Variants in AMZ1 observed in about 807,000 individuals in gnomAD.
AMZ1 encodes the protein archaelysin family metallopeptidase 1, also known as archaemetzincin-1.
AMZ1 carries 39 observed loss-of-function variants against 29.9 expected under a neutral mutation model. The observed-to-expected ratio is 1.30, with a 90% confidence interval of 1.01 to 1.70. The LOEUF (loss-of-function observed/expected upper bound fraction) is 1.70, where lower values mean the gene tolerates loss of function less well. Among genes scored for constraint, AMZ1 ranks in the 40% most tolerant of loss-of-function variants. The pLI is 0.00. For missense variants in AMZ1, 1,041 were observed against 680.6 expected, an observed-to-expected ratio of 1.53 and a Z score of -5.89; for synonymous variants, 458 against 304.0, an observed-to-expected ratio of 1.51 and a Z score of -5.27.
At chr7:2,703,017 A>G in intron 3 of AMZ1, 128 bp downstream of exon 3, 1 of 1,329,574 alleles carries the variant, frequency 7.5e-7, no homozygotes, top group Non-Finnish European at 1.0e-6. Flanking sequence ...TCCATTTCCC[A>G]GGTGTTTGGG....
At chr7:2,685,250 T>C (rs1194620812), upstream of AMZ1, among the ~76,000 whole-genome samples, 1 of 151,722 alleles carries the variant, frequency 6.6e-6, no homozygotes, top group Non-Finnish European at 1.5e-5. Context: ...TTCTTTGTAA[T>C]AAGCAGCTTT....
rs772788685 is a variant in AMZ1 at position 2,709,237 on chromosome 7, G to A, written c.764G>A (p.Cys255Tyr). The A allele has an allele frequency of 1.6e-5, 24 of 1,498,686 alleles. No homozygotes were observed. Among genetic ancestry groups the A allele is most frequent in the Non-Finnish European group, 2.0e-5 (23 of 1,126,838 alleles). The allele number at this position is 1,498,686 out of a possible 1,614,324, so 92.8% of individuals were successfully genotyped here. A position where few individuals can be genotyped will look rare whatever the true frequency, so the allele number is the denominator to read the frequency against. ...TTCAGTGCCCTGGGGATGGTTCAGT[G>A]CTGCAAGGTGGGTGGGGGCTCTGGG... The part of the protein sequence containing the change: ...LCFSALGMVQ[C>Y]CKVTCHELCH... Residue 255 changes from cysteine (C) to tyrosine (Y), a missense_variant, in exon 5 of 7, where the codon TGC becomes TAC. Cys to Tyr is a radical substitution (Grantham distance 194, BLOSUM62 -2). Coordinates refer to ENST00000683327, the MANE Select transcript of AMZ1 (RefSeq NM_001384743.1).
rs376474219 is a variant in AMZ1, at chr7:2,682,605, G to A, written c.-219+2934G>A. Among the ~76,000 whole-genome samples the A allele has an allele frequency of 2.0e-4, 31 of 152,266 alleles. 1 individual carries two copies. Among genetic ancestry groups the A allele is most frequent in the East Asian group, 1.7e-3 (9 of 5,170 alleles). On this transcript the variant is annotated intron_variant, in intron 1 of 6. Transcript: ENST00000312371. ...TGCATCCTGCCTGGACCAGGATTCA[G>A]ACCCCTTTGCCTCCTTCCTGGACGT...
At chr7:2,727,365 C>G (rs909896242) in intron 4 of AMZ1, among the ~76,000 whole-genome samples, 4 of 152,196 alleles carry the variant, frequency 2.6e-5, no homozygotes, top group African/African-American at 9.7e-5. Flanking sequence ...CAGGCATGAG[C>G]CACTGCGCCC....
intron 1 of AMZ1, among the ~76,000 whole-genome samples, chr7:2,693,700 C>T (rs547535676): frequency 6.9e-4 from 105 of 152,262 alleles, no homozygotes; most frequent in African/African-American, 2.4e-3. Context: ...GGACTATAGG[C>T]GCCCGCCACC....
In AMZ1 at chr7:2,712,963, G is replaced by A. The variant is rs1788898512; in HGVS notation, c.*85G>A. The stretch of plus-strand genomic sequence containing the variant: ...GCTGAGGCCACTACTGACCTGCCAG[G>A]GATAAAGAGGAAGGGTCTGCCTGGG... On this transcript the variant is annotated 3_prime_UTR_variant, in exon 7 of 7. Transcript: ENST00000683327. The A allele has an allele frequency of 1.5e-6, 2 of 1,371,646 alleles. No individual in the cohort carries two copies. Among genetic ancestry groups the A allele is most frequent in the Non-Finnish European group, 1.9e-6 (2 of 1,049,734 alleles). The allele number at this position is 1,371,646 out of a possible 1,614,324, so 85.0% of individuals were successfully genotyped here. A position where few individuals can be genotyped will look rare whatever the true frequency, so the allele number is the denominator to read the frequency against.
intron 1 of AMZ1, among the ~76,000 whole-genome samples, chr7:2,694,461 C>G (rs1787585222): frequency 6.6e-6 from 1 of 152,048 alleles, no homozygotes; most frequent in African/African-American, 2.4e-5. Context: ...CATAATAAAT[C>G]CTTATTTTAT....
chr7:2,738,039 C>T (rs1341675131), intron 4 of AMZ1, among the ~76,000 whole-genome samples: 1 of 152,120 alleles, frequency 6.6e-6, no homozygotes, highest in Non-Finnish European at 1.5e-5. Context: ...AGATACAACA[C>T]CACATTCATA....
In AMZ1 at chr7:2,712,808, G is replaced by C. The variant is rs777014492; in HGVS notation, c.1427G>C (p.Arg476Thr). The change falls in exon 7 of 7, where the codon AGG (arginine) becomes ACG (threonine). Residue 476 changes from arginine (R) to threonine (T), a missense_variant. Arg to Thr is a moderately conservative substitution (Grantham distance 71). Transcript: ENST00000683327. Reference protein sequence around the residue: ...VLGDKFSSLRRKLSARKLARA... With the variant: ...VLGDKFSSLRTKLSARKLARA... The stretch of plus-strand genomic sequence containing the variant: ...GGGGACAAGTTCTCCTCCCTGAGGA[G>C]GAAGCTGAGTGCCCGAAAACTCGCC... The C allele has an allele frequency of 6.5e-7, 1 of 1,541,902 alleles. No individual in the cohort carries two copies. Among genetic ancestry groups the C allele is most frequent in the South Asian group, 1.3e-5 (1 of 79,722 alleles).
intron 4 of AMZ1, among the ~76,000 whole-genome samples, chr7:2,746,734 GT>G (rs1465084594): frequency 1.3e-5 from 2 of 152,064 alleles, no homozygotes; most frequent in African/African-American, 4.8e-5. Flanking sequence ...CCAGGAGCTG[GT>G]TTTTTGAAAA....
chr7:2,708,795 CTTTGCT>C (rs1412124383), intron 4 of AMZ1, 79 bp downstream of exon 4: 1 of 1,598,100 alleles, frequency 6.3e-7, no homozygotes, highest in African/African-American at 1.3e-5. Flanking sequence ...AGGGCACCCT[CTTTGCT>C]TTTGCTTCAA....
intron 4 of AMZ1, among the ~76,000 whole-genome samples, chr7:2,759,013 G>A (rs966348706): frequency 2.0e-5 from 3 of 151,860 alleles, no homozygotes; most frequent in East Asian, 1.9e-4. Context: ...GGTGGTGGGC[G>A]CCTGTAATCC....
At chr7:2,754,842 T>A (rs1791214969) in intron 4 of AMZ1, among the ~76,000 whole-genome samples, 1 of 152,148 alleles carries the variant, frequency 6.6e-6, no homozygotes, top group Non-Finnish European at 1.5e-5. Context: ...CACTAGGGCG[T>A]CATGTCTAAG....
intron 4 of AMZ1, among the ~76,000 whole-genome samples, chr7:2,748,375 T>C (rs1000321872): frequency 2.0e-5 from 3 of 152,192 alleles, no homozygotes; most frequent in African/African-American, 7.2e-5. Context: ...AACTATCTGA[T>C]CTTTGACAAA....
intron 3 of AMZ1, among the ~76,000 whole-genome samples, chr7:2,706,807 T>A (rs540178595): frequency 1.3e-4 from 19 of 145,138 alleles, no homozygotes; most frequent in Non-Finnish European, 2.5e-4. Flanking sequence ...CATAGCCTGA[T>A]CCACAACAAT....
At chr7:2,720,958 T>TGTGA (rs1789393721), downstream of AMZ1, among the ~76,000 whole-genome samples, 1 of 152,162 alleles carries the variant, frequency 6.6e-6, no homozygotes, top group Non-Finnish European at 1.5e-5. Context: ...GGATTACAGG[T>TGTGA]GTGAGTCACC....
rs1357736028 is a variant in AMZ1, at chr7:2,714,072, GAATTGACCCTTTTA to G, written c.*1195_*1208del. ...CATTTGATTGTTGTGTCTTCCTGAG[GAATTGACCCTTTTA>G]TTGTCACACGTACCCCCTCAGCCTG... On this transcript the variant is annotated 3_prime_UTR_variant, in exon 7 of 7. Coordinates refer to ENST00000683327, the MANE Select transcript of AMZ1 (RefSeq NM_001384743.1). 8.5e-5 allele frequency: 13 copies of G among 152,194 alleles called. No individual in the cohort carries two copies. The highest frequency in any genetic ancestry group is 3.1e-4 in the African/African-American group (13 of 41,428). 9.4% of individuals were successfully genotyped at this position (152,194 alleles called of 1,614,324 possible).
chr7:2,692,823 G>A (rs1386671017), intron 1 of AMZ1, among the ~76,000 whole-genome samples: 1 of 152,104 alleles, frequency 6.6e-6, no homozygotes, highest in Non-Finnish European at 1.5e-5. Flanking sequence ...CCCGGCTCCT[G>A]CGCGATGTGT....
At chr7:2,699,905 G>A (rs948455447) in intron 1 of AMZ1, among the ~76,000 whole-genome samples, 1 of 152,112 alleles carries the variant, frequency 6.6e-6, no homozygotes, top group African/African-American at 2.4e-5. Context: ...TTCTGTGGGG[G>A]CCCATGGACA....
Sources: allele counts gnomAD v4.1 joint callset (sites outside exome capture counted in the v4.1 genomes callset), GRCh38; gene constraint gnomAD v4.1.1; transcripts MANE v1.5; gene names NCBI Gene and HGNC (gene_info 2026-07-23, HGNC 2026-07-21).